Variants in ZNF438 observed in about 807,000 individuals in gnomAD.
ZNF438 encodes the protein zinc finger protein 438.
Under a neutral mutation model 38.0 loss-of-function variants are expected in ZNF438, and 25 were observed. That is an observed-to-expected ratio of 0.66 (90% CI 0.48 to 0.92). The LOEUF is 0.92. Among genes scored for constraint, ZNF438 ranks in the 40% least tolerant of loss-of-function variants. The pLI, the probability that ZNF438 is intolerant of heterozygous loss-of-function variation, is 0.00. For missense variants in ZNF438, 1,007 were observed against 999.6 expected, an observed-to-expected ratio of 1.01 and a Z score of -0.10; for synonymous variants, 372 against 364.1, an observed-to-expected ratio of 1.02 and a Z score of -0.25.
intron 1 of ZNF438, among the ~76,000 whole-genome samples, chr10:30,996,172 C>T (rs1403331231): frequency 6.6e-6 from 1 of 151,610 alleles, no homozygotes; most frequent in South Asian, 2.1e-4. Flanking sequence ...CAAAAGAAGG[C>T]AAGAAAGGAA....
intron 1 of ZNF438, among the ~76,000 whole-genome samples, chr10:30,997,841 T>C (rs2054209947): frequency 6.6e-6 from 1 of 152,124 alleles, no homozygotes; most frequent in Non-Finnish European, 1.5e-5. Context: ...AAAGCTGCCA[T>C]CTTGAGATGA....
chr10:31,021,254 C>T (rs2797909), intron 1 of ZNF438, among the ~76,000 whole-genome samples: 78,135 of 151,764 alleles, frequency 0.51, 20,404 homozygotes, highest in Middle Eastern at 0.59. Context: ...CTCATTCTGA[C>T]TTCTATAACT....
chr10:30,875,269 T>C, intron 4 of ZNF438: 2 of 985,434 alleles, frequency 2.0e-6, no homozygotes, highest in Non-Finnish European at 2.4e-6. Flanking sequence ...GTGTGAGTGC[T>C]TTCTCCCTCT....
intron 3 of ZNF438, among the ~76,000 whole-genome samples, chr10:30,892,019 A>G (rs2040750284): frequency 6.6e-6 from 1 of 152,206 alleles, no homozygotes; most frequent in Admixed American, 6.5e-5. Context: ...ACCATAAAAT[A>G]AAGAGGCTGT....
At chr10:30,903,114 C>T (rs1185390984) in intron 3 of ZNF438, among the ~76,000 whole-genome samples, 5 of 152,208 alleles carry the variant, frequency 3.3e-5, no homozygotes, top group African/African-American at 9.6e-5. Context: ...GCCAAGCCCA[C>T]GCCCACCCGG....
intron 3 of ZNF438, among the ~76,000 whole-genome samples, chr10:30,906,849 G>A (rs1442348499): frequency 6.6e-6 from 1 of 152,182 alleles, no homozygotes; most frequent in Non-Finnish European, 1.5e-5. Context: ...TTCTATTAAT[G>A]TGGTGTCAAC....
At chr10:30,985,320 G>C (rs921474707) in intron 1 of ZNF438, among the ~76,000 whole-genome samples, 8 of 152,178 alleles carry the variant, frequency 5.3e-5, no homozygotes, top group African/African-American at 1.7e-4. Flanking sequence ...GACAGAGAAA[G>C]TGTTTTACGT....
chr10:30,967,152 C>T (rs1786396796), intron 1 of ZNF438, among the ~76,000 whole-genome samples: 1 of 152,182 alleles, frequency 6.6e-6, no homozygotes. Context: ...CATTCTTATG[C>T]TCCATGGCGT....
intron 1 of ZNF438, among the ~76,000 whole-genome samples, chr10:31,013,649 G>A (rs560422588): frequency 1.3e-5 from 2 of 152,184 alleles, no homozygotes; most frequent in South Asian, 2.1e-4. Context: ...GAAACTTCCC[G>A]CTCAAAGCTA....
chr10:31,024,615 G>C (rs1196841533), intron 1 of ZNF438, among the ~76,000 whole-genome samples: 2 of 151,606 alleles, frequency 1.3e-5, no homozygotes, highest in South Asian at 2.1e-4. Context: ...GCGACAGAGC[G>C]AGACTCTGTC....
chr10:31,031,901 A>ACGGGGCG (rs1315925533), exon 1 of ZNF438: 35 of 152,550 alleles, frequency 2.3e-4, no homozygotes, highest in African/African-American at 7.5e-4. Context: ...AGGTCAAGCC[A>ACGGGGCG]CGGGGCGCGG....
At chr10:30,854,063 T>A (rs1459414559) in intron 4 of ZNF438, among the ~76,000 whole-genome samples, 1 of 152,194 alleles carries the variant, frequency 6.6e-6, no homozygotes, top group Non-Finnish European at 1.5e-5. Flanking sequence ...CTCACGCCTG[T>A]AATCCCAGCA....
chr10:30,878,955 C>T (rs1389631456), intron 3 of ZNF438, among the ~76,000 whole-genome samples: 1 of 152,078 alleles, frequency 6.6e-6, no homozygotes, highest in African/African-American at 2.4e-5. Context: ...CCCCGAGAGC[C>T]AGGAAACAAT....
intron 1 of ZNF438, among the ~76,000 whole-genome samples, chr10:30,949,592 G>A (rs973135921): frequency 2.0e-5 from 3 of 152,134 alleles, no homozygotes; most frequent in African/African-American, 4.8e-5. Context: ...AAAGGCAGGG[G>A]TTGTAATACT....
At chr10:30,949,622 T>C (rs1292807754) in intron 1 of ZNF438, among the ~76,000 whole-genome samples, 1 of 152,080 alleles carries the variant, frequency 6.6e-6, no homozygotes, top group Non-Finnish European at 1.5e-5. Context: ...TAAAACAGAC[T>C]TTAAACCAAC....
At chr10:30,869,854 A>G (rs2037108040) in intron 4 of ZNF438, among the ~76,000 whole-genome samples, 1 of 152,226 alleles carries the variant, frequency 6.6e-6, no homozygotes, top group Admixed American at 6.5e-5. Flanking sequence ...ATAGGGAATG[A>G]TATTTTCCCC....
At chr10:30,968,396 T>A (rs1340065026) in intron 1 of ZNF438, among the ~76,000 whole-genome samples, 1 of 151,934 alleles carries the variant, frequency 6.6e-6, no homozygotes, top group Non-Finnish European at 1.5e-5. Context: ...TCTTCAATAT[T>A]CTAAGCCAGA....
chr10:30,917,370 A>G (rs1285854508), intron 2 of ZNF438, among the ~76,000 whole-genome samples: 3 of 152,092 alleles, frequency 2.0e-5, no homozygotes, highest in African/African-American at 7.2e-5. Context: ...TCTTAGGCAA[A>G]TATCTAGGAG....
chr10:30,949,697 C>A (rs1328835015), intron 1 of ZNF438, among the ~76,000 whole-genome samples: 1 of 152,092 alleles, frequency 6.6e-6, no homozygotes, highest in Non-Finnish European at 1.5e-5. Flanking sequence ...GAAGAGCTAA[C>A]TATCCTAAAT....
Sources: gnomAD v4.1 joint callset for allele counts (sites outside exome capture counted in the v4.1 genomes callset) on GRCh38, gnomAD v4.1.1 for gene constraint, MANE v1.5 for transcripts, NCBI Gene and HGNC (gene_info 2026-07-23, HGNC 2026-07-21) for gene names.